Variants in ACKR4 observed in about 807,000 individuals in gnomAD.
ACKR4 encodes C-C CKR-11.
ACKR4 carries 2 observed loss-of-function variants against 8.5 expected under a neutral mutation model. The ratio of observed to expected loss-of-function variants is 0.23; its 90% confidence interval spans 0.10 to 0.74. The LOEUF (loss-of-function observed/expected upper bound fraction) is 0.74, where lower values mean the gene tolerates loss of function less well. Ranked by LOEUF, ACKR4 falls within the 30% of genes least tolerant of loss-of-function variation. The pLI is 0.75. For synonymous variants in ACKR4, 67 were observed against 145.0 expected, an observed-to-expected ratio of 0.46 and a Z score of 3.86; for missense variants, 167 against 422.1, an observed-to-expected ratio of 0.40 and a Z score of 5.30.
At position 132,601,691 on chromosome 3, in the gene ACKR4, T is replaced by C; in HGVS notation, c.*241T>C. 2.2e-6 allele frequency: 1 copy of C among 459,300 alleles called. No homozygotes were observed. Among genetic ancestry groups the C allele is most frequent in the South Asian group, 2.1e-5 (1 of 46,640 alleles). 28.5% of individuals were successfully genotyped at this position (459,300 alleles called of 1,614,324 possible). ...AATAATTGTAACAGGCATAAGTGAATAACACTCTGCTGTAACGAAGAAGAG... is the reference window on the plus strand; with the variant it reads ...AATAATTGTAACAGGCATAAGTGAACAACACTCTGCTGTAACGAAGAAGAG... On this transcript the variant is annotated 3_prime_UTR_variant, in exon 2 of 2. Transcript: ENST00000249887.
intron 1 of ACKR4, among the ~76,000 whole-genome samples, chr3:132,598,434 T>C (rs111662931): frequency 6.6e-6 from 1 of 152,212 alleles, no homozygotes; most frequent in East Asian, 1.9e-4. Flanking sequence ...AGAAGCTACT[T>C]TGTGCCAGGC....
chr3:132,597,414 T>C (rs1190934802), intron 1 of ACKR4, 91 bp downstream of exon 1: 2 of 150,896 alleles, frequency 1.3e-5, no homozygotes, highest in Non-Finnish European at 2.9e-5. Context: ...GGAGTCTTGA[T>C]GCATAAAAGT....
rs1381412752 is a variant in ACKR4, at chr3:132,600,442, A to G, written c.45A>G (p.Glu15=). 1 of 1,609,938 alleles carries G rather than the reference A, an allele frequency of 6.2e-7. No individual in the cohort carries two copies. Among genetic ancestry groups the G allele is most frequent in the South Asian group, 1.1e-5 (1 of 90,396 alleles). ...AGTCAACAGATTATTATTATGAGGA[A>G]AATGAAATGAATGGCACTTATGACT... The part of the protein sequence containing the change: ...QNQSTDYYYE[E]NEMNGTYDYS... Residue 15 remains glutamate (E), a synonymous_variant, in exon 2 of 2, where the codon GAA becomes GAG. Coordinates refer to ENST00000249887, the MANE Select transcript of ACKR4 (RefSeq NM_016557.4).
chr3:132,598,623 G>A (rs149742854), intron 1 of ACKR4, among the ~76,000 whole-genome samples: 13 of 152,314 alleles, frequency 8.5e-5, no homozygotes, highest in East Asian at 3.9e-4. Flanking sequence ...GGTCGCATCC[G>A]CGTTTATTGA....
chr3:132,598,993 G>A (rs1938444940), intron 1 of ACKR4, among the ~76,000 whole-genome samples: 2 of 151,888 alleles, frequency 1.3e-5, no homozygotes, highest in Non-Finnish European at 2.9e-5. Context: ...GTATTGAGGA[G>A]GAGTAACAAC....
At chr3:132,599,290 G>A (rs531579741) in intron 1 of ACKR4, among the ~76,000 whole-genome samples, 2 of 152,174 alleles carry the variant, frequency 1.3e-5, no homozygotes, top group South Asian at 4.1e-4. Flanking sequence ...GGTGGATCAC[G>A]AGGTCAGGAG....
Position 132,602,636 on chromosome 3 carries a change from G to T in ACKR4, c.*1186G>T, listed in dbSNP as rs575538001. 2.0e-5 allele frequency among the ~76,000 whole-genome samples: 3 copies of T among 151,896 alleles called. No homozygotes were observed. The highest frequency in any genetic ancestry group is 6.6e-5 in the Admixed American group (1 of 15,238). ...ATTAAATTTTGCTAGCAATTACATT[G>T]GTCAAAAATAGTATGCACTAATGAA... On this transcript the variant is annotated 3_prime_UTR_variant, in exon 2 of 2. Coordinates refer to ENST00000249887, the MANE Select transcript of ACKR4 (RefSeq NM_016557.4).
At position 132,597,312 on chromosome 3, in the gene ACKR4, C is replaced by T. The variant is rs948736859; in HGVS notation, c.-21C>T. The stretch of plus-strand genomic sequence containing the variant: ...TGTACTCAAGACTGCTCCTCTCTGC[C>T]GACTACAACAGGTTGGTACTTTATT... On this transcript the variant is annotated 5_prime_UTR_variant, in exon 1 of 2. Transcript: ENST00000249887. The T allele has an allele frequency of 2.6e-5, 4 of 151,994 alleles. No individual in the cohort carries two copies. The highest frequency in any genetic ancestry group is 4.8e-5 in the African/African-American group (2 of 41,374). 9.4% of individuals were successfully genotyped at this position (151,994 alleles called of 1,614,324 possible). A position where few individuals can be genotyped will look rare whatever the true frequency, so the allele number is the denominator to read the frequency against.
At chr3:132,599,626 T>C (rs536465958) in intron 1 of ACKR4, among the ~76,000 whole-genome samples, 4 of 150,338 alleles carry the variant, frequency 2.7e-5, no homozygotes, top group Non-Finnish European at 5.9e-5. Flanking sequence ...AGAAGACAGA[T>C]TCAAGACCTA....
In ACKR4 at chr3:132,600,870, G is replaced by A; in HGVS notation, c.473G>A (p.Cys158Tyr). Reference protein sequence around the residue: ...SGVGKPCWIICFCVWMAAILL... With the variant: ...SGVGKPCWIIYFCVWMAAILL... ...GTGGGAAAACCATGCTGGATCATCT[G>A]TTTCTGTGTCTGGATGGCTGCCATC... The change falls in exon 2 of 2, where the codon TGT (cysteine) becomes TAT (tyrosine). Residue 158 changes from cysteine (C) to tyrosine (Y), a missense_variant. By Grantham distance (194) the Cys-to-Tyr change is radical (BLOSUM62 -2). Coordinates refer to ENST00000249887, the MANE Select transcript of ACKR4 (RefSeq NM_016557.4). 1 of 1,613,934 alleles carries A rather than the reference G, an allele frequency of 6.2e-7. No homozygotes were observed. The highest frequency in any genetic ancestry group is 8.5e-7 in the Non-Finnish European group (1 of 1,179,860).
In ACKR4 at chr3:132,601,969, C is replaced by T. The variant is rs546290071; in HGVS notation, c.*519C>T. 1.1e-4 allele frequency: 20 copies of T among 178,086 alleles called. No homozygotes were observed. The South Asian group carries it at 3.1e-3, about 27-fold the overall frequency. The allele number at this position is 178,086 out of a possible 1,614,324, so 11.0% of individuals were successfully genotyped here. A position where few individuals can be genotyped will look rare whatever the true frequency, so the allele number is the denominator to read the frequency against. Reference sequence around the variant, plus strand: ...AAAATAAAACAAGTTAAAAAAAAACCCACTATGCTATAAGTTAGGCCATCT... The same window carrying T: ...AAAATAAAACAAGTTAAAAAAAAACTCACTATGCTATAAGTTAGGCCATCT... On this transcript the variant is annotated 3_prime_UTR_variant, in exon 2 of 2. Transcript: ENST00000249887.
chr3:132,597,854 C>T (rs1336216363), intron 1 of ACKR4, among the ~76,000 whole-genome samples: 1 of 152,028 alleles, frequency 6.6e-6, no homozygotes, highest in Non-Finnish European at 1.5e-5. Context: ...AAGGTTCATA[C>T]TGTGTTAATA....
chr3:132,599,057 T>C (rs1257179374), intron 1 of ACKR4, among the ~76,000 whole-genome samples: 1 of 152,160 alleles, frequency 6.6e-6, no homozygotes, highest in Non-Finnish European at 1.5e-5. Flanking sequence ...TCATGCCTGT[T>C]ACTCCAACTC....
In ACKR4 at chr3:132,602,391, T is replaced by A. The variant is rs1938647534; in HGVS notation, c.*941T>A. On this transcript the variant is annotated 3_prime_UTR_variant, in exon 2 of 2. Transcript: ENST00000249887. The stretch of plus-strand genomic sequence containing the variant: ...TCATCTGGGTTCCAATTTCTTAACT[T>A]CCTAAAGAATTCATCTGTTTATACA... 6.6e-6 allele frequency among the ~76,000 whole-genome samples: 1 copy of A among 152,114 alleles called. No homozygotes were observed. Among genetic ancestry groups the A allele is most frequent in the South Asian group, 2.1e-4 (1 of 4,828 alleles).
At position 132,600,589 on chromosome 3, in the gene ACKR4, A is replaced by G. The variant is rs1473336044; in HGVS notation, c.192A>G (p.Ala64=). 6.2e-7 allele frequency: 1 copy of G among 1,613,924 alleles called. No individual in the cohort carries two copies. The highest frequency in any genetic ancestry group is 1.7e-5 in the Admixed American group (1 of 60,016). The part of the protein sequence containing the change: ...IGLAGNSMVV[A]IYAYYKKQRT... ...TTGCAGGCAATTCCATGGTAGTGGC[A>G]ATTTATGCCTATTACAAGAAACAGA... The change falls in exon 2 of 2, where the codon GCA becomes GCG. Residue 64 remains alanine (A), a synonymous_variant. Transcript: ENST00000249887.
Position 132,602,373 on chromosome 3 carries a change from G to C in ACKR4, c.*923G>C, listed in dbSNP as rs1938646194. ...ATCCTCAGACTATCATTTTCATCTGGGTTCCAATTTCTTAACTTCCTAAAG... is the reference window on the plus strand; with the variant it reads ...ATCCTCAGACTATCATTTTCATCTGCGTTCCAATTTCTTAACTTCCTAAAG... On this transcript the variant is annotated 3_prime_UTR_variant, in exon 2 of 2. Coordinates refer to ENST00000249887, the MANE Select transcript of ACKR4 (RefSeq NM_016557.4). Among the ~76,000 whole-genome samples, 1 of 151,728 alleles carries C rather than the reference G, an allele frequency of 6.6e-6. No individual in the cohort carries two copies. Among genetic ancestry groups the C allele is most frequent in the African/African-American group, 2.4e-5 (1 of 41,288 alleles).
rs1236034671 is a variant in ACKR4, at chr3:132,600,646, G to C, written c.249G>C (p.Leu83Phe). ...RTKTDVYILN[L>F]AVADLLLLFT... ...AAACAGATGTGTACATCCTGAATTT[G>C]GCTGTAGCAGATTTACTCCTTCTAT... Residue 83 changes from leucine to phenylalanine, a missense_variant, in exon 2 of 2, where the codon TTG (leucine) becomes TTC (phenylalanine). By Grantham distance (22) the Leu-to-Phe change is conservative. Transcript: ENST00000249887. 20 of 1,613,624 alleles carry C rather than the reference G, an allele frequency of 1.2e-5. No homozygotes were observed. Among genetic ancestry groups the C allele is most frequent in the Non-Finnish European group, 1.7e-5 (20 of 1,179,660 alleles).
chr3:132,600,344 G>A, intron 1 of ACKR4, 45 bp from the exon 2 acceptor site: 1 of 1,442,172 alleles, frequency 6.9e-7, no homozygotes, highest in Non-Finnish European at 9.3e-7. Flanking sequence ...TTCCTTTTAA[G>A]CATATTTAGA....
chr3:132,599,760 A>G (rs1938484544), intron 1 of ACKR4, among the ~76,000 whole-genome samples: 1 of 152,158 alleles, frequency 6.6e-6, no homozygotes, highest in South Asian at 2.1e-4. Context: ...ACTAAAAAAC[A>G]GTATACAATA....
Sources: gnomAD v4.1 joint callset for allele counts (sites outside exome capture counted in the v4.1 genomes callset) on GRCh38, gnomAD v4.1.1 for gene constraint, MANE v1.5 for transcripts, NCBI Gene and HGNC (gene_info 2026-07-23, HGNC 2026-07-21) for gene names.